Variants in SRBD1 observed in about 807,000 individuals in gnomAD.
The protein encoded by SRBD1 is S1 RNA binding domain 1.
A neutral mutation model predicts 115.3 loss-of-function variants in SRBD1; 88 were observed. The ratio of observed to expected loss-of-function variants is 0.76; its 90% CI spans 0.64 to 0.91. The LOEUF (loss-of-function observed/expected upper bound fraction) is 0.91. Ranked by LOEUF, SRBD1 falls within the 40% of genes least tolerant of loss-of-function variation. SRBD1 has a pLI of 0.00. For missense variants in SRBD1, 1,385 were observed against 1,177.4 expected, an observed-to-expected ratio of 1.18 and a Z score of -2.58; for synonymous variants, 509 against 407.7, an observed-to-expected ratio of 1.25 and a Z score of -2.99.
chr2:45,502,234 T>G (rs1474319725), intron 14 of SRBD1, among the ~76,000 whole-genome samples: 2 of 152,220 alleles, frequency 1.3e-5, no homozygotes, highest in African/African-American at 4.8e-5. Flanking sequence ...GGGTCCTGAC[T>G]GTTAAAAGGA....
chr2:45,432,698 T>C (rs1237576511), intron 16 of SRBD1, among the ~76,000 whole-genome samples: 1 of 152,216 alleles, frequency 6.6e-6, no homozygotes, highest in African/African-American at 2.4e-5. Context: ...CATTTTTAAA[T>C]AGAAGTTACC....
chr2:45,541,024 G>C (rs554010539), intron 14 of SRBD1, among the ~76,000 whole-genome samples: 1 of 152,334 alleles, frequency 6.6e-6, no homozygotes, highest in East Asian at 1.9e-4. Flanking sequence ...ACTCACTCAA[G>C]CTGGCAGGCT....
intron 12 of SRBD1, among the ~76,000 whole-genome samples, chr2:45,548,499 T>C (rs1319945559): frequency 6.6e-6 from 1 of 151,954 alleles, no homozygotes; most frequent in Non-Finnish European, 1.5e-5. Flanking sequence ...CCAAAACAGC[T>C]TAAGAATATA....
intron 19 of SRBD1, among the ~76,000 whole-genome samples, chr2:45,396,678 T>A (rs923366397): frequency 7.2e-5 from 11 of 152,196 alleles, no homozygotes; most frequent in Non-Finnish European, 1.5e-4. Context: ...TTGTTATAAG[T>A]GCAGGGCTTT....
chr2:45,561,490 T>C (rs1309461781), intron 10 of SRBD1, among the ~76,000 whole-genome samples: 1 of 152,258 alleles, frequency 6.6e-6, no homozygotes, highest in East Asian at 1.9e-4. Flanking sequence ...TGATACTTAT[T>C]TTCAAAGAAC....
At chr2:45,509,579 C>T (rs1670901941) in intron 14 of SRBD1, among the ~76,000 whole-genome samples, 1 of 134,886 alleles carries the variant, frequency 7.4e-6, no homozygotes, top group African/African-American at 2.6e-5. Flanking sequence ...CTGGAGGACA[C>T]AGCAAGACTC....
chr2:45,476,394 C>T (rs977287750), intron 16 of SRBD1, among the ~76,000 whole-genome samples: 3 of 152,144 alleles, frequency 2.0e-5, no homozygotes, highest in African/African-American at 7.2e-5. Flanking sequence ...CTCTATTTCA[C>T]ATTTAATAGC....
intron 14 of SRBD1, among the ~76,000 whole-genome samples, chr2:45,491,744 A>T (rs750635296): frequency 6.6e-6 from 1 of 152,244 alleles, no homozygotes; most frequent in Non-Finnish European, 1.5e-5. Flanking sequence ...AAAAGCAAGT[A>T]AAGTACCTAC....
At chr2:45,523,025 T>C (rs1671333986) in intron 14 of SRBD1, among the ~76,000 whole-genome samples, 1 of 152,036 alleles carries the variant, frequency 6.6e-6, no homozygotes, top group Non-Finnish European at 1.5e-5. Context: ...TAAAAAAACT[T>C]CTGGTCCCAA....
chr2:45,547,762 T>C, intron 12 of SRBD1, 150 bp from the exon 13 acceptor site: 1 of 587,036 alleles, frequency 1.7e-6, no homozygotes, highest in Non-Finnish European at 2.9e-6. Flanking sequence ...AATCAGATTC[T>C]TCCTAACCTC....
chr2:45,429,896 C>T (rs188400385), intron 16 of SRBD1, among the ~76,000 whole-genome samples: 3 of 152,242 alleles, frequency 2.0e-5, no homozygotes, highest in Non-Finnish European at 2.9e-5. Context: ...AACACCCCAT[C>T]GTCTCAGCCC....
chr2:45,585,106 C>T (rs1335366907), intron 5 of SRBD1, among the ~76,000 whole-genome samples: 3 of 151,514 alleles, frequency 2.0e-5, no homozygotes, highest in Non-Finnish European at 2.9e-5. Context: ...GCTGAGATTG[C>T]ACCACTGCAC....
chr2:45,514,911 T>C (rs938666588), intron 14 of SRBD1, among the ~76,000 whole-genome samples: 4 of 152,210 alleles, frequency 2.6e-5, no homozygotes, highest in African/African-American at 7.2e-5. Context: ...TCCAAGTCTA[T>C]CTTAGACTAT....
chr2:45,444,232 C>G (rs1477152616), intron 16 of SRBD1, among the ~76,000 whole-genome samples: 1 of 151,964 alleles, frequency 6.6e-6, no homozygotes, highest in Non-Finnish European at 1.5e-5. Flanking sequence ...ATAGTGAGAC[C>G]CTAACTTTAC....
chr2:45,459,803 T>C (rs771375848), intron 16 of SRBD1, among the ~76,000 whole-genome samples: 23 of 152,188 alleles, frequency 1.5e-4, no homozygotes, highest in Non-Finnish European at 2.8e-4. Context: ...CCAAGGTCCA[T>C]AGCTCACTTT....
chr2:45,605,524 C>A, intron 1 of SRBD1, 83 bp from the exon 2 acceptor site: 1 of 1,274,232 alleles, frequency 7.8e-7, no homozygotes, highest in Non-Finnish European at 1.1e-6. Flanking sequence ...TCATTCAAAA[C>A]TAACATTTCA....
At chr2:45,393,540 C>T (rs1667064359) in intron 19 of SRBD1, among the ~76,000 whole-genome samples, 1 of 152,118 alleles carries the variant, frequency 6.6e-6, no homozygotes, top group Non-Finnish European at 1.5e-5. Context: ...GCCACCACGC[C>T]CAGCTAATTT....
intron 4 of SRBD1, among the ~76,000 whole-genome samples, chr2:45,588,480 T>C (rs568025168): frequency 6.6e-4 from 100 of 152,354 alleles, no homozygotes; most frequent in Non-Finnish European, 1.1e-3. Context: ...CCTGTACCTT[T>C]TCCTGTTTCC....
At chr2:45,483,101 T>C (rs558731121) in intron 15 of SRBD1, among the ~76,000 whole-genome samples, 1 of 152,072 alleles carries the variant, frequency 6.6e-6, no homozygotes, top group Non-Finnish European at 1.5e-5. Flanking sequence ...AATGCAATTT[T>C]AAAAAATTAA....
Sources: gnomAD v4.1 joint callset for allele counts (sites outside exome capture counted in the v4.1 genomes callset) on GRCh38, gnomAD v4.1.1 for gene constraint, MANE v1.5 for transcripts, NCBI Gene and HGNC (gene_info 2026-07-23, HGNC 2026-07-21) for gene names.